SND1: variants seen among roughly 807,000 people sequenced by gnomAD.
SND1 encodes staphylococcal nuclease and tudor domain containing 1, also known as staphylococcal nuclease domain-containing protein 1.
Under a neutral mutation model 121.7 loss-of-function variants are expected in SND1, and 38 were observed. The ratio of observed to expected loss-of-function variants is 0.31; its 90% CI spans 0.24 to 0.41. The LOEUF is 0.41. SND1 is among the 10% of genes least tolerant of loss of function. The pLI, the probability that SND1 is intolerant of heterozygous loss-of-function variation, is 1.00. For synonymous variants in SND1, 401 were observed against 447.4 expected, an observed-to-expected ratio of 0.90 and a Z score of 1.31; for missense variants, 868 against 1,184.6, an observed-to-expected ratio of 0.73 and a Z score of 3.92.
At chr7:127,913,283 T>A (rs1010912280) in intron 14 of SND1, among the ~76,000 whole-genome samples, 1 of 152,186 alleles carries the variant, frequency 6.6e-6, no homozygotes, top group Non-Finnish European at 1.5e-5. Flanking sequence ...ATTTTTCTAG[T>A]TTCCTTCTGC....
intron 10 of SND1, among the ~76,000 whole-genome samples, chr7:127,786,787 G>A (rs934555345): frequency 6.6e-6 from 1 of 152,016 alleles, no homozygotes; most frequent in Admixed American, 6.5e-5. Context: ...GGGACTACAG[G>A]CGCGCGCCAC....
chr7:127,668,387 T>C lies in SND1; in HGVS notation c.78+15936T>C, dbSNP rs78308095. On this transcript the variant is annotated intron_variant, in intron 1 of 23. Coordinates refer to ENST00000354725, the MANE Select transcript of SND1 (RefSeq NM_014390.4). ...AGATTGCCCTGCCGTATGAACACCATACTTCTCTCCCATAGAACTCGTGAC... is the reference window on the plus strand; with the variant it reads ...AGATTGCCCTGCCGTATGAACACCACACTTCTCTCCCATAGAACTCGTGAC... Among the ~76,000 whole-genome samples, 1,223 of 152,312 alleles carry C rather than the reference T, an allele frequency of 8.0e-3. 10 individuals carry two copies. The highest frequency in any genetic ancestry group is 0.014 in the Non-Finnish European group (919 of 68,022).
At chr7:128,041,158 G>A (rs543610962) in intron 16 of SND1, among the ~76,000 whole-genome samples, 49 of 152,248 alleles carry the variant, frequency 3.2e-4, no homozygotes, top group Non-Finnish European at 6.2e-4. Context: ...AGGGGGCCCC[G>A]GTGCAGGGGC....
chr7:128,091,143 T>C (rs1484333097), intron 22 of SND1, among the ~76,000 whole-genome samples: 1 of 152,278 alleles, frequency 6.6e-6, no homozygotes, highest in South Asian at 2.1e-4. Context: ...AATAGGATAT[T>C]AGAAGATGAT....
chr7:127,923,145 T>C (rs1800755161), intron 14 of SND1, among the ~76,000 whole-genome samples: 1 of 152,172 alleles, frequency 6.6e-6, no homozygotes, highest in Non-Finnish European at 1.5e-5. Flanking sequence ...CGCACCACCA[T>C]GCTTGGCTAA....
chr7:127,957,748 T>C (rs1801631070), intron 15 of SND1, among the ~76,000 whole-genome samples: 1 of 152,222 alleles, frequency 6.6e-6, no homozygotes, highest in Non-Finnish European at 1.5e-5. Context: ...TTGTCCAGGC[T>C]GGAGTGCAGT....
At chr7:127,922,020 C>T in intron 14 of SND1, among the ~76,000 whole-genome samples, 1 of 151,868 alleles carries the variant, frequency 6.6e-6, no homozygotes, top group Non-Finnish European at 1.5e-5. Flanking sequence ...CAGGGTCTTA[C>T]TCTGTCATCC....
chr7:127,938,976 A>T (rs550235964), intron 15 of SND1, among the ~76,000 whole-genome samples: 1 of 152,216 alleles, frequency 6.6e-6, no homozygotes, highest in East Asian at 1.9e-4. Flanking sequence ...AATTGTGTCT[A>T]CTGGAGTAAA....
Position 128,052,701 on chromosome 7 carries a change from A to G in SND1, c.1780-21801A>G, listed in dbSNP as rs187696902. 1.3e-5 allele frequency among the ~76,000 whole-genome samples: 2 copies of G among 152,216 alleles called. No individual in the cohort carries two copies. Among genetic ancestry groups the G allele is most frequent in the Non-Finnish European group, 2.9e-5 (2 of 68,044 alleles). ...CGTCAAGGGAAATCAGATGAAATCCATCTCCTTGTCCAAAGCCTGGCCCGA... is the reference window on the plus strand; with the variant it reads ...CGTCAAGGGAAATCAGATGAAATCCGTCTCCTTGTCCAAAGCCTGGCCCGA... On this transcript the variant is annotated intron_variant, in intron 16 of 23. Transcript: ENST00000354725. The surrounding 1 kb of genome is among the most constrained non-coding windows in gnomAD (Gnocchi z 4.6).
chr7:127,959,097 G>A (rs1801668450), intron 15 of SND1, among the ~76,000 whole-genome samples: 1 of 152,172 alleles, frequency 6.6e-6, no homozygotes, highest in Admixed American at 6.6e-5. Flanking sequence ...TGGTAGTGAT[G>A]GTAATAGCAG....
At chr7:127,766,530 C>T (rs1046627518) in intron 10 of SND1, among the ~76,000 whole-genome samples, 1 of 152,108 alleles carries the variant, frequency 6.6e-6, no homozygotes, top group Admixed American at 6.5e-5. Context: ...AATCCCAGCA[C>T]TTTGGGAGGC....
At chr7:127,787,513 G>T (rs936124764) in intron 10 of SND1, among the ~76,000 whole-genome samples, 3 of 152,210 alleles carry the variant, frequency 2.0e-5, no homozygotes, top group Non-Finnish European at 1.5e-5. Flanking sequence ...TAGCTTTCCT[G>T]ATAATAATGG....
intron 21 of SND1, among the ~76,000 whole-genome samples, chr7:128,089,115 C>T (rs1793733152): frequency 6.6e-6 from 1 of 152,078 alleles, no homozygotes; most frequent in Non-Finnish European, 1.5e-5. Flanking sequence ...AGTGCAGTGG[C>T]GCAATATTGG....
chr7:127,739,785 A>G (rs1002739726), intron 10 of SND1, among the ~76,000 whole-genome samples: 15 of 152,190 alleles, frequency 9.9e-5, no homozygotes, highest in Non-Finnish European at 1.9e-4. Flanking sequence ...GGTTTAGTAC[A>G]TGGTTAAATT....
At chr7:128,033,200 A>G (rs986305541) in intron 16 of SND1, among the ~76,000 whole-genome samples, 3 of 152,112 alleles carry the variant, frequency 2.0e-5, no homozygotes, top group Admixed American at 1.3e-4. Flanking sequence ...TCTTGCTCCT[A>G]TTTCTGGTAG....
At chr7:127,940,073 C>T (rs1801160651) in intron 15 of SND1, among the ~76,000 whole-genome samples, 1 of 152,140 alleles carries the variant, frequency 6.6e-6, no homozygotes, top group African/African-American at 2.4e-5. Flanking sequence ...TTTTCGGGCC[C>T]TTCTCCTTCC....
chr7:127,990,443 A>G (rs901328378), intron 15 of SND1, among the ~76,000 whole-genome samples: 1 of 152,158 alleles, frequency 6.6e-6, no homozygotes, highest in Non-Finnish European at 1.5e-5. Context: ...GGGGAGGCTT[A>G]TTTGAAGAGA....
intron 10 of SND1, among the ~76,000 whole-genome samples, chr7:127,729,551 G>A (rs2116407256): frequency 6.6e-6 from 1 of 151,292 alleles, no homozygotes; most frequent in East Asian, 2.0e-4. Flanking sequence ...ATTCCTTGGT[G>A]GGCTAATTAG....
chr7:127,738,988 AG>A (rs1324395782), intron 10 of SND1, among the ~76,000 whole-genome samples: 1 of 152,186 alleles, frequency 6.6e-6, no homozygotes, highest in East Asian at 1.9e-4. Flanking sequence ...TGTGATGCAC[AG>A]GAAGTGTGAG....
Sources: gnomAD v4.1 joint callset for allele counts (sites outside exome capture counted in the v4.1 genomes callset) on GRCh38, gnomAD v4.1.1 for gene constraint, Gnocchi (gnomAD v3.1) non-coding constraint, MANE v1.5 for transcripts, NCBI Gene and HGNC (gene_info 2026-07-23, HGNC 2026-07-21) for gene names.